The following NCKAP5 variants were observed in gnomAD, a reference collection of about 807,000 sequenced individuals.
NCKAP5 encodes nck-associated protein 5.
Under a neutral mutation model 167.0 loss-of-function variants are expected in NCKAP5, and 92 were observed. The ratio of observed to expected loss-of-function variants is 0.55; its 90% CI spans 0.47 to 0.66. NCKAP5 has a LOEUF of 0.66. Ranked by LOEUF, NCKAP5 falls within the 30% of genes least tolerant of loss-of-function variation. The pLI is 0.00. For missense variants in NCKAP5, 2,378 were observed against 2,315.0 expected (o/e 1.03, Z -0.56); for synonymous variants, 891 against 877.4 (o/e 1.02, Z -0.27).
intron 16 of NCKAP5, among the ~76,000 whole-genome samples, chr2:132,750,079 T>A (rs918951045): frequency 2.6e-5 from 4 of 152,236 alleles, no homozygotes; most frequent in Non-Finnish European, 4.4e-5. Context: ...TTACGTATGG[T>A]TGTTTCAGGA....
chr2:132,787,300 A>G (rs567484093), intron 13 of NCKAP5, among the ~76,000 whole-genome samples: 41 of 148,170 alleles, frequency 2.8e-4, no homozygotes, highest in Non-Finnish European at 4.9e-4. Flanking sequence ...GTGAGCTGAG[A>G]TTGCACCATT....
chr2:133,118,465 C>T (rs1020107209), intron 6 of NCKAP5: 25 of 151,974 alleles, frequency 1.6e-4, no homozygotes, highest in African/African-American at 4.6e-4. Flanking sequence ...GGTTATTAAA[C>T]GGTAGATTCA....
intron 7 of NCKAP5, among the ~76,000 whole-genome samples, chr2:132,967,332 C>T (rs1222917743): frequency 9.9e-5 from 15 of 152,086 alleles, no homozygotes; most frequent in Admixed American, 9.8e-4. Context: ...GGTCACTTTA[C>T]ATAATTTGAA....
chr2:133,028,173 T>C (rs1321613494), intron 6 of NCKAP5, among the ~76,000 whole-genome samples: 1 of 152,218 alleles, frequency 6.6e-6, no homozygotes, highest in Non-Finnish European at 1.5e-5. Context: ...TTATCTTGTA[T>C]TACTGTCCTT....
intron 4 of NCKAP5, chr2:133,266,262 C>G (rs970325112): frequency 6.6e-6 from 1 of 152,416 alleles, no homozygotes; most frequent in Non-Finnish European, 1.5e-5. Context: ...CCTCGCCCCA[C>G]CTCCCAAAAC....
intron 3 of NCKAP5, among the ~76,000 whole-genome samples, chr2:133,498,349 T>C (rs919296574): frequency 2.0e-5 from 3 of 150,296 alleles, no homozygotes; most frequent in South Asian, 2.1e-4. Flanking sequence ...AGGATGTGTA[T>C]GAGGGAGAAA....
chr2:132,907,568 G>A (rs1439978272), intron 8 of NCKAP5, among the ~76,000 whole-genome samples: 1 of 151,284 alleles, frequency 6.6e-6, no homozygotes, highest in Non-Finnish European at 1.5e-5. Flanking sequence ...TGCACTAAGA[G>A]GCAGTATGAT....
At chr2:133,580,515 G>A in the NCKAP5 span, among the ~76,000 whole-genome samples, 1 of 152,100 alleles carries the variant, frequency 6.6e-6, no homozygotes, top group South Asian at 2.1e-4. Flanking sequence ...ATAATTTGGG[G>A]GGATGTCTGC....
chr2:133,520,533 G>A (rs923892411), intron 2 of NCKAP5, among the ~76,000 whole-genome samples: 4 of 152,134 alleles, frequency 2.6e-5, no homozygotes, highest in South Asian at 4.1e-4. Flanking sequence ...TTAGGCTGGG[G>A]ACAGATACAG....
the NCKAP5 span, among the ~76,000 whole-genome samples, chr2:133,663,135 G>A: frequency 2.0e-5 from 3 of 152,012 alleles, no homozygotes; most frequent in South Asian, 2.1e-4. Context: ...GCGCGGTGGC[G>A]GGCGCCTGTA....
At chr2:133,246,371 T>C (rs184189361) in intron 4 of NCKAP5, among the ~76,000 whole-genome samples, 2 of 152,288 alleles carry the variant, frequency 1.3e-5, no homozygotes, top group Admixed American at 1.3e-4. Context: ...TTTTTCAAAC[T>C]GTAGGTCACA....
intron 8 of NCKAP5, among the ~76,000 whole-genome samples, chr2:132,925,877 T>G: frequency 6.6e-6 from 1 of 152,234 alleles, no homozygotes; most frequent in East Asian, 1.9e-4. Flanking sequence ...TTATGTTTTT[T>G]ACTAATCTTT....
intron 8 of NCKAP5, among the ~76,000 whole-genome samples, chr2:132,928,903 T>C (rs370789925): frequency 6.6e-6 from 1 of 152,064 alleles, no homozygotes; most frequent in South Asian, 2.1e-4. Context: ...GGAGAACAGC[T>C]GGAGGCCAGG....
At chr2:132,853,437 A>G (rs1437249771) in intron 11 of NCKAP5, among the ~76,000 whole-genome samples, 1 of 152,118 alleles carries the variant, frequency 6.6e-6, no homozygotes, top group Non-Finnish European at 1.5e-5. Context: ...GAGAGTTTTC[A>G]TTGTTTTGGT....
At chr2:133,616,789 C>G in the NCKAP5 span, among the ~76,000 whole-genome samples, 1 of 152,096 alleles carries the variant, frequency 6.6e-6, no homozygotes, top group South Asian at 2.1e-4. Context: ...GGAATCCTCC[C>G]TAACTCATTT....
At chr2:133,175,320 T>C (rs1364010994) in intron 5 of NCKAP5, among the ~76,000 whole-genome samples, 1 of 152,222 alleles carries the variant, frequency 6.6e-6, no homozygotes, top group Non-Finnish European at 1.5e-5. Flanking sequence ...CTGTTGTCTT[T>C]TGACTTTATA....
At chr2:133,102,744 AACAC>A (rs3051212) in intron 6 of NCKAP5, among the ~76,000 whole-genome samples, 9,779 of 135,072 alleles carry the variant, frequency 0.072, 571 homozygotes, top group African/African-American at 0.17. Context: ...CAAGCATGTA[AACAC>A]ACACACACAC....
At chr2:133,277,865 G>A (rs1329617156) in intron 4 of NCKAP5, among the ~76,000 whole-genome samples, 1 of 152,122 alleles carries the variant, frequency 6.6e-6, no homozygotes. Context: ...ATACAATAAA[G>A]GTGGCATTTC....
intron 6 of NCKAP5, among the ~76,000 whole-genome samples, chr2:133,086,237 C>T (rs2080985877): frequency 1.3e-5 from 2 of 152,312 alleles, no homozygotes; most frequent in South Asian, 4.1e-4. Flanking sequence ...AAGATAAACT[C>T]AGCTGAGAAG....
Sources: allele counts gnomAD v4.1 joint callset (sites outside exome capture counted in the v4.1 genomes callset), GRCh38; gene constraint gnomAD v4.1.1; transcripts MANE v1.5; gene names NCBI Gene and HGNC (gene_info 2026-07-23, HGNC 2026-07-21).